The following YEATS2 variants were observed in gnomAD, a reference collection of about 807,000 sequenced individuals.
YEATS2 encodes YEATS domain containing 2, also known as YEATS domain-containing protein 2.
In YEATS2, 77 loss-of-function variants were observed where a neutral mutation model predicts 163.2. The ratio of observed to expected loss-of-function variants is 0.47; its 90% CI spans 0.39 to 0.57. The LOEUF is 0.57. Ranked by LOEUF, YEATS2 falls within the 20% of genes least tolerant of loss-of-function variation. The pLI is 0.00. For synonymous variants in YEATS2, 631 were observed against 645.1 expected, an observed-to-expected ratio of 0.98 and a Z score of 0.33; for missense variants, 1,549 against 1,729.8, an observed-to-expected ratio of 0.90 and a Z score of 1.85.
In YEATS2 at chr3:183,754,151, A is replaced by T. The variant is rs748564099; in HGVS notation, c.1176A>T (p.Glu392Asp). Residue 392 changes from glutamate to aspartate, a missense_variant, in exon 11 of 31, where the codon GAA becomes GAT. Coordinates refer to ENST00000305135, the MANE Select transcript of YEATS2 (RefSeq NM_018023.5). ...GATTCCCAGCTAGCACTGAAGCTGA[A>T]CGACACACTCCGTTTTATGCTTTGC... is the stretch of plus-strand genomic sequence containing the variant. ...EKGFPASTEA[E>D]RHTPFYALPS... is the part of the protein sequence containing the mutation. 3.1e-6 allele frequency: 5 copies of T among 1,596,688 alleles called. No individual in the cohort carries two copies. The East Asian group carries it at 9.0e-5, about 29-fold the overall frequency.
At chr3:183,709,675 A>ATTTTTT (rs774989436) in intron 1 of YEATS2, among the ~76,000 whole-genome samples, 1 of 125,166 alleles carries the variant, frequency 8.0e-6, no homozygotes, top group Non-Finnish European at 1.7e-5. Flanking sequence ...AATGAGATAA[A>ATTTTTT]TTTTTTTTTT....
chr3:183,715,269 A>T lies in YEATS2; in HGVS notation c.100+7A>T, dbSNP rs1715720949. 1 of 1,601,278 alleles carries T rather than the reference A, an allele frequency of 6.2e-7. No homozygotes were observed. Among genetic ancestry groups the T allele is most frequent in the Non-Finnish European group, 8.5e-7 (1 of 1,170,042 alleles). The stretch of plus-strand genomic sequence containing the variant: ...AAAGCAATTGAGAATTCAGGTAGAA[A>T]TCCTGCCTTAGGAAATTATTTCTTT... On this transcript the variant is annotated splice_region_variant and intron_variant, in intron 2 of 30. Transcript: ENST00000305135.
intron 6 of YEATS2, 98 bp from the exon 7 acceptor site, chr3:183,728,592 A>G (rs953721732): frequency 3.4e-6 from 4 of 1,164,676 alleles, no homozygotes; most frequent in Admixed American, 2.7e-5. Flanking sequence ...ATATTGCAGG[A>G]ATTTTAACCT....
intron 18 of YEATS2, 62 bp from the exon 19 acceptor site, chr3:183,777,480 A>G (rs1184690187): frequency 1.3e-6 from 2 of 1,551,630 alleles, no homozygotes; most frequent in Non-Finnish European, 8.8e-7. Flanking sequence ...TTAAGGGATC[A>G]GAACAGCCCA....
intron 15 of YEATS2, among the ~76,000 whole-genome samples, chr3:183,762,614 A>G (rs766947666): frequency 6.6e-6 from 1 of 151,888 alleles, no homozygotes; most frequent in Non-Finnish European, 1.5e-5. Flanking sequence ...TGACTTGTTT[A>G]TTTATGGTAG....
At chr3:183,805,231 T>A (rs753103036) in intron 27 of YEATS2, among the ~76,000 whole-genome samples, 6 of 151,404 alleles carry the variant, frequency 4.0e-5, no homozygotes, top group Non-Finnish European at 7.4e-5. Flanking sequence ...CAGGACCTTG[T>A]CGCTACAAAA....
chr3:183,728,828 A>G lies in YEATS2; in HGVS notation c.789A>G (p.Lys263=), dbSNP rs1171909038. The G allele has an allele frequency of 1.2e-6, 2 of 1,612,496 alleles. No individual in the cohort carries two copies. The highest frequency in any genetic ancestry group is 1.1e-5 in the South Asian group (1 of 90,526). ...GGTTCTTCCTTCATCCTAGCTATAA[A>G]CCAAATGACCTTGTGGAAGTTAGGT... The part of the protein sequence containing the change: ...KVWFFLHPSY[K]PNDLVEVREP... Residue 263 remains lysine (K), a synonymous_variant, in exon 7 of 31, where the codon AAA becomes AAG. Transcript: ENST00000305135.
At chr3:183,728,895 T>TA in intron 7 of YEATS2, 44 bp downstream of exon 7, 1 of 1,544,964 alleles carries the variant, frequency 6.5e-7, no homozygotes, top group Non-Finnish European at 8.8e-7. Flanking sequence ...AATGCAGACT[T>TA]ATTTTTGAAG....
At chr3:183,806,431 CTG>C (rs1560340577) in intron 27 of YEATS2, 1 of 456,876 alleles carries the variant, frequency 2.2e-6, no homozygotes. Context: ...TTATTAGAGA[CTG>C]GACCCATAAT....
chr3:183,791,075 C>T, intron 21 of YEATS2, 95 bp downstream of exon 21: 1 of 1,494,202 alleles, frequency 6.7e-7, no homozygotes, highest in Non-Finnish European at 9.1e-7. Flanking sequence ...ACTCTGTCGC[C>T]CAAGCTAGAG....
rs1240135818 is a variant in YEATS2, at chr3:183,804,038, A to G, written c.3634A>G (p.Asn1212Asp). Residue 1212 changes from asparagine to aspartate, a missense_variant, in exon 27 of 31, where the codon AAT becomes GAT. Asn to Asp is a conservative substitution (Grantham distance 23). Transcript: ENST00000305135. ...AGTCTTACAAGAAATCCTGGAGAAG[A>G]ATCCGAGATTTCACCACCTGACTCC... ...RKVLQEILEK[N>D]PRFHHLTPLK... 2 of 1,614,024 alleles carry G rather than the reference A, an allele frequency of 1.2e-6. No individual in the cohort carries two copies. Among genetic ancestry groups the G allele is most frequent in the Non-Finnish European group, 1.7e-6 (2 of 1,180,034 alleles).
intron 13 of YEATS2, 90 bp downstream of exon 13, chr3:183,759,055 C>A: frequency 1.2e-6 from 1 of 850,966 alleles, no homozygotes; most frequent in Non-Finnish European, 1.8e-6. Context: ...TGGGGTCTCC[C>A]CGTATTAACC....
chr3:183,801,425 A>T, intron 24 of YEATS2, 30 bp from the exon 25 acceptor site: 1 of 1,545,524 alleles, frequency 6.5e-7, no homozygotes, highest in Non-Finnish European at 8.9e-7. Context: ...TATTTAATTT[A>T]TTGCCTTAAT....
chr3:183,738,391 C>CTTTT (rs1173865612), intron 8 of YEATS2, among the ~76,000 whole-genome samples: 6 of 74,022 alleles, frequency 8.1e-5, no homozygotes, highest in African/African-American at 2.3e-4. Flanking sequence ...AGGAAAAGTT[C>CTTTT]TTTTTTTTTT....
chr3:183,773,636 T>C lies in YEATS2; in HGVS notation c.2210T>C (p.Met737Thr). The C allele has an allele frequency of 6.2e-7, 1 of 1,601,156 alleles. No homozygotes were observed. The highest frequency in any genetic ancestry group is 8.5e-7 in the Non-Finnish European group (1 of 1,176,160). ...PQKSGSQGSVMATLQLPATNL... is the reference protein window; with the variant it reads ...PQKSGSQGSVTATLQLPATNL... ...TTTTTCTCCTTTACCATTTTAGTAA[T>C]GGCAACGTTGCAGCTACCAGCCACT... The change falls in exon 17 of 31, where the codon ATG becomes ACG. Residue 737 changes from methionine (M) to threonine (T), a missense_variant. Physicochemically the swap from Met to Thr is moderately conservative, Grantham distance 81. Coordinates refer to ENST00000305135, the MANE Select transcript of YEATS2 (RefSeq NM_018023.5).
intron 21 of YEATS2, chr3:183,793,587 CTG>C (rs1724862587): frequency 5.8e-6 from 1 of 171,824 alleles, no homozygotes; most frequent in Non-Finnish European, 1.1e-5. Context: ...ATGGAACTTT[CTG>C]TATCACATTT....
rs1226292520 is a variant in YEATS2 at position 183,807,032 on chromosome 3, A to G, written c.3951A>G (p.Glu1317=). 1.2e-6 allele frequency: 2 copies of G among 1,614,192 alleles called. No individual in the cohort carries two copies. Among genetic ancestry groups the G allele is most frequent in the Non-Finnish European group, 1.7e-6 (2 of 1,180,042 alleles). ...IKKEQEEKQE[E]VKFYLPPTPG... is the part of the protein sequence containing the mutation. Reference sequence around the variant, plus strand: ...AGGAGCAGGAAGAGAAACAAGAGGAAGTCAAGTTCTACCTGCCACCAACCC... The same window carrying G: ...AGGAGCAGGAAGAGAAACAAGAGGAGGTCAAGTTCTACCTGCCACCAACCC... Residue 1317 remains glutamate (E), a synonymous_variant, in exon 28 of 31, where the codon GAA becomes GAG. Transcript: ENST00000305135.
At chr3:183,726,689 G>A (rs1385595088) in intron 6 of YEATS2, among the ~76,000 whole-genome samples, 3 of 152,042 alleles carry the variant, frequency 2.0e-5, no homozygotes, top group Admixed American at 2.0e-4. Context: ...TTCCCTCTAT[G>A]CTATCTCTTT....
intron 15 of YEATS2, among the ~76,000 whole-genome samples, chr3:183,762,773 C>T (rs991052848): frequency 2.6e-5 from 4 of 151,500 alleles, no homozygotes; most frequent in South Asian, 2.1e-4. Flanking sequence ...ACATAGAGGC[C>T]GGGCATGGTG....
Sources: gnomAD v4.1 joint callset for allele counts (sites outside exome capture counted in the v4.1 genomes callset) on GRCh38, gnomAD v4.1.1 for gene constraint, MANE v1.5 for transcripts, NCBI Gene and HGNC (gene_info 2026-07-23, HGNC 2026-07-21) for gene names.